The following BTG4 variants were observed in gnomAD, a reference collection of about 807,000 sequenced individuals.
The protein encoded by BTG4 is protein BTG4.
BTG4 carries 10 observed loss-of-function variants against 19.3 expected under a neutral mutation model. The observed-to-expected ratio is 0.52, with a 90% CI of 0.32 to 0.88. The LOEUF (loss-of-function observed/expected upper bound fraction) is 0.88, where lower values mean the gene tolerates loss of function less well. Among genes scored for constraint, BTG4 ranks in the 40% least tolerant of loss-of-function variants. BTG4 has a pLI of 0.04. For missense variants in BTG4, 238 were observed against 281.9 expected (o/e 0.84, Z 1.11); for synonymous variants, 91 against 95.7 (o/e 0.95, Z 0.29).
downstream of BTG4, among the ~76,000 whole-genome samples, chr11:111,464,990 G>A (rs1006706663): frequency 6.6e-6 from 1 of 152,130 alleles, no homozygotes; most frequent in African/African-American, 2.4e-5. Flanking sequence ...GTTAGAAGGA[G>A]CTAATGTAAA....
intron 1 of BTG4, among the ~76,000 whole-genome samples, chr11:111,510,830 A>G (rs1240477468): frequency 6.6e-6 from 1 of 152,220 alleles, no homozygotes; most frequent in African/African-American, 2.4e-5. Context: ...TTTTCAAGGC[A>G]TCTGACCCAA....
downstream of BTG4, among the ~76,000 whole-genome samples, chr11:111,492,381 CTTT>C (rs1459813775): frequency 6.6e-6 from 1 of 152,068 alleles, no homozygotes; most frequent in Non-Finnish European, 1.5e-5. Context: ...GTTGATTTTT[CTTT>C]TTTTAGTCCA....
At chr11:111,482,299 G>A (rs1023240392) in intron 5 of BTG4, among the ~76,000 whole-genome samples, 12 of 151,904 alleles carry the variant, frequency 7.9e-5, no homozygotes, top group Admixed American at 3.9e-4. Context: ...ACACACACAC[G>A]AAGAAATTGA....
At chr11:111,441,771 G>T in the BTG4 span, among the ~76,000 whole-genome samples, 2 of 152,162 alleles carry the variant, frequency 1.3e-5, no homozygotes, top group South Asian at 2.1e-4. Context: ...AAAGCAAAGC[G>T]AGTTGGGCCG....
the BTG4 span, among the ~76,000 whole-genome samples, chr11:111,442,620 A>C: frequency 6.6e-6 from 1 of 151,856 alleles, no homozygotes; most frequent in South Asian, 2.1e-4. Context: ...CAACAACAAC[A>C]ACCCACAATC....
chr11:111,494,709 T>G, downstream of BTG4: 2 of 218,554 alleles, frequency 9.2e-6, no homozygotes, highest in Non-Finnish European at 1.6e-5. Flanking sequence ...GAGGATTGCT[T>G]GAGCTCAGGA....
At chr11:111,401,134 A>C in the BTG4 span, 1 of 151,638 alleles carries the variant, frequency 6.6e-6, no homozygotes, top group African/African-American at 2.4e-5. Context: ...ATGGTATTAC[A>C]TAAATGCCAA....
At chr11:111,504,321 C>T (rs926698275) in intron 1 of BTG4, among the ~76,000 whole-genome samples, 4 of 152,082 alleles carry the variant, frequency 2.6e-5, no homozygotes, top group Non-Finnish European at 5.9e-5. Context: ...AACAAAATTG[C>T]ATTTCCCAAA....
the BTG4 span, among the ~76,000 whole-genome samples, chr11:111,402,896 T>A: frequency 6.6e-6 from 1 of 152,080 alleles, no homozygotes; most frequent in African/African-American, 2.4e-5. Context: ...ATCAGAAATG[T>A]CTCCACACAC....
the BTG4 span, among the ~76,000 whole-genome samples, chr11:111,387,803 G>A: frequency 6.6e-6 from 1 of 152,092 alleles, no homozygotes; most frequent in Non-Finnish European, 1.5e-5. Flanking sequence ...GAGCTTGGGG[G>A]AAAAATAGTC....
the BTG4 span, among the ~76,000 whole-genome samples, chr11:111,456,308 C>A: frequency 2.0e-5 from 3 of 152,174 alleles, no homozygotes; most frequent in Admixed American, 6.5e-5. The surrounding 1 kb of genome is among the most constrained non-coding windows in gnomAD (Gnocchi z 4.2). Context: ...TGCCGGCCTG[C>A]GCAATGATAT....
downstream of BTG4, among the ~76,000 whole-genome samples, chr11:111,467,279 G>A (rs1863776520): frequency 6.6e-6 from 1 of 152,196 alleles, no homozygotes; most frequent in Admixed American, 6.5e-5. Context: ...AAAAGGCAGA[G>A]CCAAGGTTAA....
At chr11:111,468,662 G>A (rs750660339) in intron 5 of BTG4, among the ~76,000 whole-genome samples, 1 of 152,168 alleles carries the variant, frequency 6.6e-6, no homozygotes, top group African/African-American at 2.4e-5. Context: ...CAAGAGAGGC[G>A]ATTTGAAAAC....
At chr11:111,486,489 T>C (rs544620366) in intron 5 of BTG4, among the ~76,000 whole-genome samples, 8 of 152,148 alleles carry the variant, frequency 5.3e-5, no homozygotes, top group African/African-American at 1.7e-4. Context: ...TTCTAAAAAA[T>C]TGGGCTAAAA....
At chr11:111,413,346 CAT>C in the BTG4 span, among the ~76,000 whole-genome samples, 6 of 152,222 alleles carry the variant, frequency 3.9e-5, no homozygotes, top group African/African-American at 1.2e-4. Flanking sequence ...TCAGAATCCA[CAT>C]GTTTCACAAG....
chr11:111,391,528 G>A, the BTG4 span, among the ~76,000 whole-genome samples: 5 of 152,112 alleles, frequency 3.3e-5, no homozygotes, highest in Non-Finnish European at 7.3e-5. Flanking sequence ...CTTCCTCCTC[G>A]CCATCCTACA....
the BTG4 span, among the ~76,000 whole-genome samples, chr11:111,460,849 A>C: frequency 1.2e-3 from 178 of 152,278 alleles, no homozygotes; most frequent in African/African-American, 4.1e-3. Context: ...GAAGAAGCAA[A>C]AGCTTTCCTG....
intron 5 of BTG4, chr11:111,467,686 G>A: frequency 2.6e-6 from 2 of 761,618 alleles, no homozygotes; most frequent in Non-Finnish European, 4.9e-6. Context: ...AAAATTCTGG[G>A]GTCCAGTATA....
At chr11:111,466,349 G>A (rs1034539484), downstream of BTG4, among the ~76,000 whole-genome samples, 1 of 152,168 alleles carries the variant, frequency 6.6e-6, no homozygotes, top group Non-Finnish European at 1.5e-5. Context: ...TACAGATATT[G>A]TAGGGAAGTA....
Sources: gnomAD v4.1 joint callset for allele counts (sites outside exome capture counted in the v4.1 genomes callset) on GRCh38, gnomAD v4.1.1 for gene constraint, Gnocchi (gnomAD v3.1) non-coding constraint, MANE v1.5 for transcripts, NCBI Gene and HGNC (gene_info 2026-07-23, HGNC 2026-07-21) for gene names.